Variants in GTF2E2 observed in about 807,000 individuals in gnomAD.
GTF2E2 encodes transcription initiation factor IIE subunit beta.
A neutral mutation model predicts 40.5 loss-of-function variants in GTF2E2; 21 were observed. That is an observed-to-expected ratio of 0.52 (90% CI 0.37 to 0.75). The LOEUF (loss-of-function observed/expected upper bound fraction) is 0.75, where lower values mean the gene tolerates loss of function less well. Among genes scored for constraint, GTF2E2 ranks in the 30% least tolerant of loss-of-function variants. The pLI, the probability that GTF2E2 is intolerant of heterozygous loss-of-function variation, is 0.00. For missense variants in GTF2E2, 298 were observed against 338.4 expected (o/e 0.88, Z 0.94); for synonymous variants, 117 against 121.6 (o/e 0.96, Z 0.25).
intron 6 of GTF2E2, among the ~76,000 whole-genome samples, chr8:30,583,950 CGCCA>C (rs1828595402): frequency 6.7e-6 from 1 of 148,830 alleles, no homozygotes; most frequent in Admixed American, 6.6e-5. Flanking sequence ...GGACTACAGG[CGCCA>C]GCCACCACGC....
intron 2 of GTF2E2, among the ~76,000 whole-genome samples, chr8:30,644,311 T>G (rs1563507593): frequency 6.6e-6 from 1 of 152,186 alleles, no homozygotes; most frequent in Non-Finnish European, 1.5e-5. Flanking sequence ...GAGGGCTGAA[T>G]TTGTCTGTTT....
intron 3 of GTF2E2, among the ~76,000 whole-genome samples, chr8:30,624,241 A>T (rs1185525439): frequency 4.6e-5 from 7 of 152,216 alleles, no homozygotes; most frequent in East Asian, 1.9e-4. Context: ...GCTAGCCAGT[A>T]TTCCCAGCAC....
chr8:30,590,696 T>G (rs73245347), intron 6 of GTF2E2, among the ~76,000 whole-genome samples: 33,125 of 143,102 alleles, frequency 0.23, 4,120 homozygotes, highest in South Asian at 0.39. Context: ...ATCAAAAACT[T>G]TTTTTTTTTT....
chr8:30,621,849 C>T (rs1225561523), intron 3 of GTF2E2, among the ~76,000 whole-genome samples: 2 of 152,004 alleles, frequency 1.3e-5, no homozygotes, highest in East Asian at 3.9e-4. Context: ...GGAAGAACTT[C>T]CAGTACAATA....
intron 6 of GTF2E2, among the ~76,000 whole-genome samples, chr8:30,589,973 T>C (rs1189464219): frequency 3.9e-5 from 6 of 152,214 alleles, no homozygotes; most frequent in Non-Finnish European, 7.4e-5. Flanking sequence ...GTATAATTTA[T>C]GAAAATTAAA....
At chr8:30,608,484 G>A (rs1358641589) in intron 5 of GTF2E2, among the ~76,000 whole-genome samples, 21 of 152,100 alleles carry the variant, frequency 1.4e-4, no homozygotes, top group Admixed American at 1.4e-3. Flanking sequence ...CTCTAATAAA[G>A]CTGTTTTCAT....
chr8:30,580,179 A>G, intron 7 of GTF2E2, 102 bp downstream of exon 7: 1 of 720,082 alleles, frequency 1.4e-6, no homozygotes, highest in Non-Finnish European at 2.5e-6. Context: ...ACTGAGAAAC[A>G]ATGGCGGGGG....
At chr8:30,654,794 C>T (rs1802401870) in intron 1 of GTF2E2, among the ~76,000 whole-genome samples, 1 of 152,102 alleles carries the variant, frequency 6.6e-6, no homozygotes. Flanking sequence ...ATGAGGACTA[C>T]AGGGCAGAAA....
chr8:30,600,784 G>A (rs896436633), intron 6 of GTF2E2, among the ~76,000 whole-genome samples: 1 of 152,200 alleles, frequency 6.6e-6, no homozygotes, highest in African/African-American at 2.4e-5. Flanking sequence ...TTCTACACTG[G>A]ATTAAAAAAT....
At chr8:30,584,861 T>G (rs1342724993) in intron 6 of GTF2E2, 2 of 152,226 alleles carry the variant, frequency 1.3e-5, no homozygotes, top group African/African-American at 4.8e-5. Context: ...TTAATTTTTC[T>G]GCCTCCATTT....
chr8:30,657,117 C>T (rs1197232817), intron 1 of GTF2E2: 1 of 152,194 alleles, frequency 6.6e-6, no homozygotes, highest in African/African-American at 2.4e-5. Context: ...CAGAAAGCTT[C>T]GCAATGTCTG....
At chr8:30,582,365 A>G (rs781622341) in intron 6 of GTF2E2, among the ~76,000 whole-genome samples, 5 of 152,230 alleles carry the variant, frequency 3.3e-5, no homozygotes, top group Non-Finnish European at 7.3e-5. Flanking sequence ...TTAAAAAATA[A>G]TTTTACACTA....
Position 30,653,420 on chromosome 8 carries a change from C to T in GTF2E2, c.166+13G>A, listed in dbSNP as rs375109772. 1.2e-6 allele frequency: 2 copies of T among 1,605,462 alleles called. No individual in the cohort carries two copies. The highest frequency in any genetic ancestry group is 1.7e-6 in the Non-Finnish European group (2 of 1,174,152). ...TGAATAAAAACCAAACAGTCCTAAA[C>T]AATTTTACTAACCAGAATTTTGTTT... is the stretch of plus-strand genomic sequence containing the variant. On this transcript the variant is annotated intron_variant, in intron 2 of 7. Transcript: ENST00000355904.
chr8:30,609,943 C>T (rs768506340), intron 5 of GTF2E2, among the ~76,000 whole-genome samples: 5 of 152,168 alleles, frequency 3.3e-5, no homozygotes, highest in Non-Finnish European at 7.4e-5. Flanking sequence ...CCTGAGACCT[C>T]CCCATAAGCT....
chr8:30,592,018 TC>T (rs1167869424), intron 6 of GTF2E2, among the ~76,000 whole-genome samples: 13 of 152,194 alleles, frequency 8.5e-5, no homozygotes, highest in Admixed American at 2.6e-4. Flanking sequence ...GCTTTCACTT[TC>T]ATTTAATGCA....
At chr8:30,628,365 T>TA (rs1801345334) in intron 3 of GTF2E2, among the ~76,000 whole-genome samples, 1 of 152,204 alleles carries the variant, frequency 6.6e-6, no homozygotes, top group Admixed American at 6.5e-5. Context: ...AAGAGCAGGC[T>TA]AATAAGCTGG....
intron 6 of GTF2E2, among the ~76,000 whole-genome samples, chr8:30,587,333 A>T (rs1828711075): frequency 1.3e-5 from 2 of 152,172 alleles, no homozygotes; most frequent in Admixed American, 1.3e-4. Flanking sequence ...GGATCACTTC[A>T]GCCTGGGAGG....
intron 3 of GTF2E2, among the ~76,000 whole-genome samples, chr8:30,629,524 A>G (rs1366211021): frequency 6.6e-6 from 1 of 151,754 alleles, no homozygotes; most frequent in East Asian, 1.9e-4. Flanking sequence ...GTCTCTACTA[A>G]AAAAATACAA....
rs116440698 is a variant in GTF2E2 at position 30,604,422 on chromosome 8, G to T, written c.643+2635C>A. 8.8e-3 allele frequency among the ~76,000 whole-genome samples: 1,340 copies of T among 152,182 alleles called. 23 individuals carry two copies. The highest frequency in any genetic ancestry group is 0.03 in the African/African-American group (1,249 of 41,508). On this transcript the variant is annotated intron_variant, in intron 6 of 7. Coordinates refer to ENST00000355904, the MANE Select transcript of GTF2E2 (RefSeq NM_002095.6). ...TCTGCATTATCTTCCTGATTTCTAT[G>T]ACTACTTCATTAAAATAAAAAATAC...
Sources: gnomAD v4.1 joint callset for allele counts (sites outside exome capture counted in the v4.1 genomes callset) on GRCh38, gnomAD v4.1.1 for gene constraint, MANE v1.5 for transcripts, NCBI Gene and HGNC (gene_info 2026-07-23, HGNC 2026-07-21) for gene names.